MB21D2: variants seen among roughly 807,000 people sequenced by gnomAD.
MB21D2 encodes the protein Mab-21 domain containing 2.
A neutral mutation model predicts 33.3 loss-of-function variants in MB21D2; 9 were observed. That is an observed-to-expected ratio of 0.27 (90% CI 0.16 to 0.47). MB21D2 has a LOEUF of 0.47. Among genes scored for constraint, MB21D2 ranks in the 20% least tolerant of loss-of-function variants. The pLI, the probability that MB21D2 is intolerant of heterozygous loss-of-function variation, is 0.99. For synonymous variants in MB21D2, 241 were observed against 236.3 expected (o/e 1.02, Z -0.18); for missense variants, 540 against 624.6 (o/e 0.86, Z 1.44).
chr3:192,869,777 C>T (rs1459453535), intron 1 of MB21D2, among the ~76,000 whole-genome samples: 1 of 152,160 alleles, frequency 6.6e-6, no homozygotes, highest in African/African-American at 2.4e-5. Flanking sequence ...GCACAGGACA[C>T]AGCAACAAGC....
chr3:192,824,413 T>A (rs1018868255), intron 1 of MB21D2, among the ~76,000 whole-genome samples: 1 of 151,842 alleles, frequency 6.6e-6, no homozygotes, highest in African/African-American at 2.4e-5. Context: ...AGAGGTAATA[T>A]CTTGAGTTGA....
chr3:192,816,234 A>G (rs1711921433), intron 1 of MB21D2, among the ~76,000 whole-genome samples: 1 of 148,808 alleles, frequency 6.7e-6, no homozygotes, highest in South Asian at 2.2e-4. Context: ...AAAAAAAAAG[A>G]TGGTTCCGAC....
At chr3:192,846,604 G>A (rs1340150413) in intron 1 of MB21D2, among the ~76,000 whole-genome samples, 1 of 152,058 alleles carries the variant, frequency 6.6e-6, no homozygotes, top group Non-Finnish European at 1.5e-5. Context: ...GGAGATTTGG[G>A]ATCTCAGAAA....
At chr3:192,904,805 G>T (rs552033431) in intron 1 of MB21D2, among the ~76,000 whole-genome samples, 1 of 152,312 alleles carries the variant, frequency 6.6e-6, no homozygotes, top group East Asian at 1.9e-4. Context: ...CTGCCTTCCT[G>T]GCATCCCTGA....
intron 1 of MB21D2, among the ~76,000 whole-genome samples, chr3:192,912,393 G>C (rs2108656794): frequency 6.6e-6 from 1 of 152,346 alleles, no homozygotes; most frequent in South Asian, 2.1e-4. Context: ...CTCAGGCGGG[G>C]CATGGTGGCT....
chr3:192,853,465 A>C (rs1354629933), intron 1 of MB21D2, among the ~76,000 whole-genome samples: 2 of 152,238 alleles, frequency 1.3e-5, no homozygotes, highest in African/African-American at 2.4e-5. Context: ...CTGTGCCCCT[A>C]AGTACCTAAG....
At chr3:192,882,723 A>G (rs1338398990) in intron 1 of MB21D2, among the ~76,000 whole-genome samples, 1 of 150,190 alleles carries the variant, frequency 6.7e-6, no homozygotes, top group Non-Finnish European at 1.5e-5. Flanking sequence ...GCCCTACAGG[A>G]CATCAACCAG....
intron 1 of MB21D2, among the ~76,000 whole-genome samples, chr3:192,872,538 T>G (rs1292605454): frequency 6.8e-6 from 1 of 147,904 alleles, no homozygotes; most frequent in Non-Finnish European, 1.5e-5. Flanking sequence ...ATCGCGCCAC[T>G]GCACTCCAGC....
chr3:192,868,193 C>G (rs1446628012), intron 1 of MB21D2, among the ~76,000 whole-genome samples: 2 of 152,176 alleles, frequency 1.3e-5, no homozygotes, highest in Non-Finnish European at 2.9e-5. Context: ...TTCATGTGTG[C>G]CAGTGGTCCT....
intron 1 of MB21D2, among the ~76,000 whole-genome samples, chr3:192,846,666 T>C (rs989822115): frequency 6.6e-6 from 1 of 152,196 alleles, no homozygotes; most frequent in African/African-American, 2.4e-5. Flanking sequence ...ATCCATGCTG[T>C]TTCATTTAGA....
chr3:192,839,476 TC>T (rs1403220011), intron 1 of MB21D2, among the ~76,000 whole-genome samples: 1 of 152,240 alleles, frequency 6.6e-6, no homozygotes, highest in African/African-American at 2.4e-5. Context: ...AAGCAACTCA[TC>T]TTGAAGACTT....
At chr3:192,862,359 T>C (rs886160247) in intron 1 of MB21D2, among the ~76,000 whole-genome samples, 1 of 152,212 alleles carries the variant, frequency 6.6e-6, no homozygotes, top group Non-Finnish European at 1.5e-5. Flanking sequence ...TAGGATTGTA[T>C]TCCATGTTCA....
At chr3:192,911,739 G>A (rs758313444) in intron 1 of MB21D2, among the ~76,000 whole-genome samples, 213 of 152,130 alleles carry the variant, frequency 1.4e-3, no homozygotes, top group Admixed American at 2.4e-3. Context: ...TCTCAAGGAC[G>A]AAGGGCAGCC....
At chr3:192,841,518 A>G (rs907725641) in intron 1 of MB21D2, among the ~76,000 whole-genome samples, 10 of 152,244 alleles carry the variant, frequency 6.6e-5, no homozygotes, top group Non-Finnish European at 2.9e-5. Flanking sequence ...TGGGGAGGAC[A>G]AAGTGAAGAA....
intron 1 of MB21D2, among the ~76,000 whole-genome samples, chr3:192,800,129 T>C (rs1711523354): frequency 6.6e-6 from 1 of 152,200 alleles, no homozygotes; most frequent in African/African-American, 2.4e-5. Context: ...GCGGTTTTCT[T>C]TCCCCAGGCT....
intron 1 of MB21D2, among the ~76,000 whole-genome samples, chr3:192,847,427 C>T (rs902208078): frequency 6.6e-6 from 1 of 152,066 alleles, no homozygotes; most frequent in Non-Finnish European, 1.5e-5. Context: ...TTGAGCTGTG[C>T]CACGAACTAG....
At chr3:192,873,186 T>A (rs56001245) in intron 1 of MB21D2, among the ~76,000 whole-genome samples, 52,399 of 151,910 alleles carry the variant, frequency 0.34, 9,414 homozygotes, top group East Asian at 0.57. Context: ...AGGGCTACAA[T>A]AGAATGGTTG....
At chr3:192,870,699 G>GAAAA (rs57320648) in intron 1 of MB21D2, among the ~76,000 whole-genome samples, 543 of 41,650 alleles carry the variant, frequency 0.013, 49 homozygotes, top group African/African-American at 0.052. Flanking sequence ...CGACTCCGTT[G>GAAAA]AAAAAAAAAA....
chr3:192,850,482 C>T (rs1303447968), intron 1 of MB21D2, among the ~76,000 whole-genome samples: 1 of 152,210 alleles, frequency 6.6e-6, no homozygotes, highest in East Asian at 1.9e-4. Context: ...CGTCATTCAT[C>T]GCATGTGTGG....
Sources: allele counts gnomAD v4.1 joint callset (sites outside exome capture counted in the v4.1 genomes callset), GRCh38; gene constraint gnomAD v4.1.1; transcripts MANE v1.5; gene names NCBI Gene and HGNC (gene_info 2026-07-23, HGNC 2026-07-21).